Variants in MFSD11 observed in about 807,000 individuals in gnomAD.
The protein encoded by MFSD11 is UNC93-like protein MFSD11.
MFSD11 carries 36 observed loss-of-function variants against 53.5 expected under a neutral mutation model. The observed-to-expected ratio is 0.67, with a 90% confidence interval of 0.52 to 0.89. The LOEUF (loss-of-function observed/expected upper bound fraction) is 0.89, where lower values mean the gene tolerates loss of function less well. Among genes scored for constraint, MFSD11 ranks in the 40% least tolerant of loss-of-function variants. The pLI is 0.00. For missense variants in MFSD11, 530 were observed against 543.9 expected, an observed-to-expected ratio of 0.97 and a Z score of 0.25; for synonymous variants, 186 against 184.9, an observed-to-expected ratio of 1.01 and a Z score of -0.05.
At chr17:76,753,988 ATGTT>A in intron 7 of MFSD11, 55 bp from the exon 8 acceptor site, 4 of 1,389,498 alleles carry the variant, frequency 2.9e-6, no homozygotes, top group Middle Eastern at 1.9e-4. Context: ...ATGTGATCGT[ATGTT>A]TGTTCTTTTA....
At chr17:76,787,597 G>A in the MFSD11 span, among the ~76,000 whole-genome samples, 2 of 150,130 alleles carry the variant, frequency 1.3e-5, no homozygotes, top group Non-Finnish European at 3.0e-5. Context: ...GATCAAGCTG[G>A]ATCAAATTCC....
chr17:76,747,895 C>T (rs1438710200), intron 7 of MFSD11: 2 of 152,176 alleles, frequency 1.3e-5, no homozygotes, highest in Non-Finnish European at 1.5e-5. Flanking sequence ...GAATCGTCTC[C>T]TAAATTTGGA....
the MFSD11 span, among the ~76,000 whole-genome samples, chr17:76,795,737 T>C: frequency 6.6e-6 from 1 of 151,798 alleles, no homozygotes; most frequent in Non-Finnish European, 1.5e-5. Flanking sequence ...CACTGCAAGC[T>C]CCACCTCCCG....
the MFSD11 span, among the ~76,000 whole-genome samples, chr17:76,788,153 G>C: frequency 6.7e-6 from 1 of 148,972 alleles, no homozygotes; most frequent in South Asian, 2.2e-4. Context: ...AGATTCTCAT[G>C]CCTCAGCCTC....
chr17:76,785,546 C>T (rs1285995577), downstream of MFSD11, among the ~76,000 whole-genome samples: 1 of 151,668 alleles, frequency 6.6e-6, no homozygotes, highest in East Asian at 1.9e-4. Flanking sequence ...CACCATGCTG[C>T]CAGGCTGGTC....
At chr17:76,758,567 G>A (rs2079880092) in intron 8 of MFSD11, among the ~76,000 whole-genome samples, 1 of 137,124 alleles carries the variant, frequency 7.3e-6, no homozygotes, top group African/African-American at 2.9e-5. Flanking sequence ...TGGGCACAGA[G>A]CGAGACCAGG....
intron 2 of MFSD11, among the ~76,000 whole-genome samples, chr17:76,740,173 C>CA (rs11289503): frequency 5.7e-4 from 44 of 76,594 alleles, no homozygotes; most frequent in African/African-American, 1.3e-3. Context: ...GGCTCCGTCT[C>CA]AAAAAAAAAA....
chr17:76,749,889 CAA>C (rs1187568956), intron 7 of MFSD11, among the ~76,000 whole-genome samples: 11 of 63,840 alleles, frequency 1.7e-4, no homozygotes, highest in East Asian at 5.2e-4. Flanking sequence ...GACTCCTTCT[CAA>C]AAAAAAAAAA....
chr17:76,758,126 T>C (rs1274226856), intron 8 of MFSD11, among the ~76,000 whole-genome samples: 2 of 152,122 alleles, frequency 1.3e-5, no homozygotes, highest in Non-Finnish European at 2.9e-5. Flanking sequence ...AAACAAAGTC[T>C]AGAATCAAGC....
In MFSD11 at chr17:76,769,701, A is replaced by T. The variant is rs752685241; in HGVS notation, c.749-45A>T. On this transcript the variant is annotated intron_variant, in intron 9 of 12. Transcript: ENST00000685175. The stretch of plus-strand genomic sequence containing the variant: ...ACTACTAGATGGGAAGATAAACAAA[A>T]ATGTGAATATATAAATGACATCTGT... The T allele has an allele frequency of 7.3e-6, 11 of 1,508,228 alleles. No individual in the cohort carries two copies. In the South Asian group the frequency reaches 1.3e-4, roughly 18 times the overall value. 93.4% of individuals were successfully genotyped at this position (1,508,228 alleles called of 1,614,324 possible). A position where few individuals can be genotyped will look rare whatever the true frequency, so the allele number is the denominator to read the frequency against.
Position 76,767,454 on chromosome 17 carries a change from A to AATGGAATT in MFSD11, c.748+5_748+12dup. On this transcript the variant is annotated splice_donor_region_variant and intron_variant, in intron 9 of 12. Coordinates refer to ENST00000685175, the MANE Select transcript of MFSD11 (RefSeq NM_001242532.5). ...TAGTATTACAACTGCTTATACAGGT[A>AATGGAATT]ATGGAATTACTGTTCTTATTTTCTC... 1 of 1,557,584 alleles carries AATGGAATT rather than the reference A, an allele frequency of 6.4e-7. No individual in the cohort carries two copies.
At chr17:76,775,884 G>T (rs1428004974) in intron 11 of MFSD11, among the ~76,000 whole-genome samples, 1 of 152,166 alleles carries the variant, frequency 6.6e-6, no homozygotes, top group Non-Finnish European at 1.5e-5. Context: ...CTTCACAAAT[G>T]GTTGAGACCA....
the MFSD11 span, among the ~76,000 whole-genome samples, chr17:76,792,781 C>G: frequency 1.3e-5 from 2 of 151,434 alleles, no homozygotes; most frequent in Non-Finnish European, 2.9e-5. Flanking sequence ...GGAAGATTAT[C>G]AGGGAACCTG....
intron 8 of MFSD11, among the ~76,000 whole-genome samples, chr17:76,759,248 T>A (rs1461815036): frequency 6.6e-6 from 1 of 151,416 alleles, no homozygotes; most frequent in Non-Finnish European, 1.5e-5. Context: ...AGCAAGAACT[T>A]GTCCCAAAAA....
the MFSD11 span, among the ~76,000 whole-genome samples, chr17:76,803,184 CAAAA>C: frequency 1.1e-4 from 16 of 150,412 alleles, no homozygotes; most frequent in African/African-American, 2.4e-4. Context: ...ACAAAACAAA[CAAAA>C]AAAAACCCAA....
At chr17:76,761,769 A>G (rs1044012854) in intron 8 of MFSD11, among the ~76,000 whole-genome samples, 1 of 152,000 alleles carries the variant, frequency 6.6e-6, no homozygotes, top group African/African-American at 2.4e-5. Flanking sequence ...AAAAATACAA[A>G]AATTAGCCAG....
Position 76,775,027 on chromosome 17 carries a change from A to G in MFSD11, c.905A>G (p.Asn302Ser). 1 of 1,614,060 alleles carries G rather than the reference A, an allele frequency of 6.2e-7. No homozygotes were observed. Among genetic ancestry groups the G allele is most frequent in the Non-Finnish European group, 8.5e-7 (1 of 1,179,936 alleles). ...AGCCTCTTCGGCCTGCTGAGCAAGA[A>G]CAATCGTTTTGGTAGAAATCCAGTT... is the stretch of plus-strand genomic sequence containing the variant. ...GGSLFGLLSK[N>S]NRFGRNPVVL... The change falls in exon 11 of 13, where the codon AAC (asparagine) becomes AGC (serine). Residue 302 changes from asparagine (N) to serine (S), a missense_variant. Transcript: ENST00000685175.
intron 10 of MFSD11, among the ~76,000 whole-genome samples, chr17:76,771,431 A>G (rs1471564835): frequency 1.3e-5 from 2 of 152,270 alleles, no homozygotes; most frequent in Admixed American, 1.3e-4. Flanking sequence ...TGTGTTAGAT[A>G]TGAGGAACTT....
intron 11 of MFSD11, 50 bp downstream of exon 11, chr17:76,775,221 C>T (rs774006901): frequency 9.7e-6 from 15 of 1,554,342 alleles, no homozygotes; most frequent in Admixed American, 5.2e-5. Context: ...TGGGAGGTAA[C>T]GGATGGCTAG....
Sources: gnomAD v4.1 joint callset for allele counts (sites outside exome capture counted in the v4.1 genomes callset) on GRCh38, gnomAD v4.1.1 for gene constraint, MANE v1.5 for transcripts, NCBI Gene and HGNC (gene_info 2026-07-23, HGNC 2026-07-21) for gene names.